The following FBXL17 variants were observed in gnomAD, a reference collection of about 807,000 sequenced individuals.
FBXL17 encodes the protein F-box and leucine rich repeat protein 17, also known as F-box/LRR-repeat protein 17.
In FBXL17, 22 loss-of-function variants were observed where a neutral mutation model predicts 66.2. The observed-to-expected ratio is 0.33, with a 90% CI of 0.24 to 0.47. The LOEUF is 0.47. Ranked by LOEUF, FBXL17 falls within the 20% of genes least tolerant of loss-of-function variation. The pLI is 1.00. For missense variants in FBXL17, 878 were observed against 948.2 expected (o/e 0.93, Z 0.97); for synonymous variants, 474 against 400.5 (o/e 1.18, Z -2.19).
At chr5:107,866,424 A>T (rs1748277085) in intron 8 of FBXL17, among the ~76,000 whole-genome samples, 1 of 152,208 alleles carries the variant, frequency 6.6e-6, no homozygotes, top group African/African-American at 2.4e-5. Flanking sequence ...TTGAGTTAAC[A>T]TCTATTAGCA....
Position 108,053,874 on chromosome 5 carries a change from A to G in FBXL17, c.1746-32873T>C, listed in dbSNP as rs934470887. On this transcript the variant is annotated intron_variant, in intron 6 of 8. Transcript: ENST00000542267. ...ATAGAACCAACCCAAATGCCCATCA[A>G]TGATAGACTTGATAAAGAAAATGTG... Among the ~76,000 whole-genome samples the G allele has an allele frequency of 8.5e-5, 13 of 152,230 alleles. No homozygotes were observed. In the East Asian group the frequency reaches 1.3e-3, roughly 16 times the overall value.
intron 5 of FBXL17, among the ~76,000 whole-genome samples, chr5:108,222,755 C>T (rs1754924197): frequency 6.9e-6 from 1 of 145,170 alleles, no homozygotes; most frequent in Non-Finnish European, 1.5e-5. Flanking sequence ...CTCACTGCAA[C>T]CTCCGCCTCT....
chr5:108,029,699 T>C (rs1184339609), intron 6 of FBXL17, among the ~76,000 whole-genome samples: 1 of 152,070 alleles, frequency 6.6e-6, no homozygotes, highest in Non-Finnish European at 1.5e-5. Flanking sequence ...ATAAAAGGCA[T>C]CAACCAATAA....
intron 4 of FBXL17, among the ~76,000 whole-genome samples, chr5:108,311,156 AC>A (rs1270762692): frequency 2.6e-5 from 4 of 151,442 alleles, no homozygotes; most frequent in African/African-American, 9.7e-5. Flanking sequence ...TCTCTCACCT[AC>A]CTTTTTTTAT....
chr5:108,177,411 A>G (rs1752832083), intron 6 of FBXL17, among the ~76,000 whole-genome samples: 1 of 152,202 alleles, frequency 6.6e-6, no homozygotes, highest in African/African-American at 2.4e-5. Flanking sequence ...TAGATATCCC[A>G]TATGGAAAAG....
chr5:107,923,137 G>A (rs555102924), intron 7 of FBXL17, among the ~76,000 whole-genome samples: 2 of 152,270 alleles, frequency 1.3e-5, no homozygotes, highest in Admixed American at 1.3e-4. Context: ...AGTATGTTGT[G>A]GGGAGGAGGA....
intron 3 of FBXL17, among the ~76,000 whole-genome samples, chr5:108,351,291 G>A (rs1320549136): frequency 6.6e-6 from 1 of 152,172 alleles, no homozygotes; most frequent in Non-Finnish European, 1.5e-5. Context: ...GGAAGTATAA[G>A]TGAGCTAAAT....
intron 7 of FBXL17, among the ~76,000 whole-genome samples, chr5:107,915,332 T>C (rs1014751602): frequency 2.6e-5 from 4 of 152,216 alleles, no homozygotes; most frequent in Non-Finnish European, 4.4e-5. Context: ...TCAGATTTAA[T>C]GTTGATTTGT....
chr5:108,256,887 T>A (rs377520349), intron 4 of FBXL17, among the ~76,000 whole-genome samples: 1 of 152,144 alleles, frequency 6.6e-6, no homozygotes, highest in South Asian at 2.1e-4. Flanking sequence ...ACTTAGTTTT[T>A]TAAGCGTGTA....
At chr5:108,083,340 A>C (rs987994661) in intron 6 of FBXL17, among the ~76,000 whole-genome samples, 14 of 152,082 alleles carry the variant, frequency 9.2e-5, no homozygotes, top group Admixed American at 4.6e-4. Flanking sequence ...CCTTAGCTCC[A>C]TGTAAACTCA....
In FBXL17 at chr5:107,955,023, T is replaced by G. The variant is rs548912129; in HGVS notation, c.1822+65902A>C. ...GGAATATGTAAAGCACTTTGAAAAT[T>G]GACTGTCTTAAGTTTTACCCAACTT... On this transcript the variant is annotated intron_variant, in intron 7 of 8. Coordinates refer to ENST00000542267, the MANE Select transcript of FBXL17 (RefSeq NM_001163315.3). Among the ~76,000 whole-genome samples, 12 of 152,254 alleles carry G rather than the reference T, an allele frequency of 7.9e-5. No individual in the cohort carries two copies. The South Asian group carries it at 1.0e-3, about 13-fold the overall frequency.
intron 5 of FBXL17, among the ~76,000 whole-genome samples, chr5:108,202,447 T>A (rs1236903925): frequency 6.6e-6 from 1 of 152,166 alleles, no homozygotes; most frequent in Non-Finnish European, 1.5e-5. Context: ...AGATGTTGTC[T>A]ATACTAATTT....
At chr5:108,195,498 TAAG>T (rs1753643731) in intron 5 of FBXL17, among the ~76,000 whole-genome samples, 1 of 152,258 alleles carries the variant, frequency 6.6e-6, no homozygotes, top group African/African-American at 2.4e-5. Flanking sequence ...AGAGGAGATC[TAAG>T]AAGGACAGAT....
At chr5:108,046,524 T>C (rs1246958454) in intron 6 of FBXL17, among the ~76,000 whole-genome samples, 2 of 152,200 alleles carry the variant, frequency 1.3e-5, no homozygotes, top group African/African-American at 4.8e-5. Context: ...CATTTGTCTG[T>C]TTTCTCTTTC....
chr5:108,221,972 G>C (rs1580642454), intron 5 of FBXL17, among the ~76,000 whole-genome samples: 1 of 152,290 alleles, frequency 6.6e-6, no homozygotes, highest in South Asian at 2.1e-4. Context: ...AAAAGGCTCT[G>C]TTGAAGAACA....
chr5:107,943,608 G>A (rs144783043), intron 7 of FBXL17, among the ~76,000 whole-genome samples: 2 of 145,916 alleles, frequency 1.4e-5, no homozygotes, highest in Non-Finnish European at 3.0e-5. Context: ...CTTCTTCAAC[G>A]CATCTTCACT....
At chr5:108,339,582 A>G (rs1561538485) in intron 4 of FBXL17, among the ~76,000 whole-genome samples, 1 of 151,856 alleles carries the variant, frequency 6.6e-6, no homozygotes, top group African/African-American at 2.4e-5. Flanking sequence ...TTTTTATTAA[A>G]AAAAAAAAAG....
intron 7 of FBXL17, among the ~76,000 whole-genome samples, chr5:107,984,181 A>G (rs1213201618): frequency 1.3e-5 from 2 of 152,100 alleles, no homozygotes. Flanking sequence ...CAAATTGGAC[A>G]AGTTATATAG....
chr5:107,927,796 A>G (rs1046534705), intron 7 of FBXL17, among the ~76,000 whole-genome samples: 3 of 152,112 alleles, frequency 2.0e-5, no homozygotes, highest in African/African-American at 7.2e-5. Flanking sequence ...TTTTCTTGCC[A>G]TATGCTGACT....
Sources: gnomAD v4.1 joint callset for allele counts (sites outside exome capture counted in the v4.1 genomes callset) on GRCh38, gnomAD v4.1.1 for gene constraint, MANE v1.5 for transcripts, NCBI Gene and HGNC (gene_info 2026-07-23, HGNC 2026-07-21) for gene names.